Variants in EHBP1 observed in about 807,000 individuals in gnomAD.
EHBP1 encodes EH domain binding protein 1.
In EHBP1, 55 loss-of-function variants were observed where a neutral mutation model predicts 144.0. That is an observed-to-expected ratio of 0.38 (90% CI 0.31 to 0.48). EHBP1 has a LOEUF of 0.48. Ranked by LOEUF, EHBP1 falls within the 20% of genes least tolerant of loss-of-function variation. The probability of loss-of-function intolerance (pLI) is 0.98; values close to 1 mark genes in which losing one functional copy is unlikely to be tolerated. For missense variants in EHBP1, 1,200 were observed against 1,364.2 expected (o/e 0.88, Z 1.90); for synonymous variants, 469 against 472.7 (o/e 0.99, Z 0.10).
intron 1 of EHBP1, among the ~76,000 whole-genome samples, chr2:62,694,271 T>C (rs2034006044): frequency 6.6e-6 from 1 of 152,196 alleles, no homozygotes; most frequent in Admixed American, 6.5e-5. Context: ...TGCAATATGT[T>C]CTATTAATGC....
In EHBP1 at chr2:63,045,030, C is replaced by A; in HGVS notation, c.3278-36C>A. ...GGCGGGGGGCCGGGTGTTCGGAGGC[C>A]CTGCCGGTGGGTAACTAGCCTCCCG... On this transcript the variant is annotated intron_variant, in intron 21 of 22. Transcript: ENST00000431489. This position sits in a 1 kb window ranked among gnomAD's most constrained non-coding sequence, Gnocchi z 5.7. The A allele has an allele frequency of 1.3e-6, 2 of 1,491,676 alleles. No homozygotes were observed. The highest frequency in any genetic ancestry group is 1.8e-6 in the Non-Finnish European group (2 of 1,095,196). The allele number at this position is 1,491,676 out of a possible 1,614,324, so 92.4% of individuals were successfully genotyped here.
chr2:62,675,121 G>A (rs1247632885), intron 1 of EHBP1, among the ~76,000 whole-genome samples: 1 of 152,200 alleles, frequency 6.6e-6, no homozygotes, highest in Non-Finnish European at 1.5e-5. Context: ...TTCTGGTGCT[G>A]AAGAAATGAT....
chr2:62,718,183 G>T (rs2035871136), intron 2 of EHBP1, among the ~76,000 whole-genome samples: 1 of 152,116 alleles, frequency 6.6e-6, no homozygotes, highest in African/African-American at 2.4e-5. Context: ...AGAGAATATG[G>T]CTGAGAAACC....
rs75150370 is a variant in EHBP1 at position 62,984,718 on chromosome 2, T to C, written c.2608+5383T>C. Among the ~76,000 whole-genome samples the C allele has an allele frequency of 2.2e-3, 338 of 152,322 alleles. 8 individuals carry two copies. The East Asian group carries it at 0.053, about 24-fold the overall frequency. On this transcript the variant is annotated intron_variant, in intron 15 of 22. Coordinates refer to ENST00000431489, the MANE Select transcript of EHBP1 (RefSeq NM_001142616.3). ...CATTCTTAAGAAGACCTGAGCTGTA[T>C]AGATCACTTTTTACTCTTGCCATCC...
chr2:62,711,006 T>C (rs2035094032), intron 2 of EHBP1, among the ~76,000 whole-genome samples: 1 of 152,138 alleles, frequency 6.6e-6, no homozygotes, highest in African/African-American at 2.4e-5. Flanking sequence ...GAAAAAAGCA[T>C]TAATTAGAAA....
At chr2:63,044,865 A>G in intron 21 of EHBP1, 1 of 517,376 alleles carries the variant, frequency 1.9e-6, no homozygotes, top group East Asian at 3.2e-5. Flanking sequence ...ATCTCCATTC[A>G]CAGGACCTGT....
At chr2:63,029,411 A>G (rs1462218626) in intron 19 of EHBP1, among the ~76,000 whole-genome samples, 4 of 151,164 alleles carry the variant, frequency 2.6e-5, no homozygotes, top group Non-Finnish European at 5.9e-5. Context: ...CCCTTCATCT[A>G]GCTATCCCTG....
intron 10 of EHBP1, among the ~76,000 whole-genome samples, chr2:62,896,936 T>G (rs1354009433): frequency 6.6e-6 from 1 of 152,208 alleles, no homozygotes; most frequent in Non-Finnish European, 1.5e-5. Flanking sequence ...AGCTGATTAC[T>G]TTTTCCTTTA....
chr2:62,859,090 T>C, intron 7 of EHBP1, 79 bp from the exon 8 acceptor site: 2 of 1,355,590 alleles, frequency 1.5e-6, no homozygotes, highest in Non-Finnish European at 2.0e-6. Flanking sequence ...TGTGAACTTT[T>C]ACCATTTGAA....
chr2:62,847,740 A>G (rs1270145680), intron 7 of EHBP1, among the ~76,000 whole-genome samples: 2 of 152,196 alleles, frequency 1.3e-5, no homozygotes, highest in East Asian at 3.9e-4. Flanking sequence ...CACAAAGCAT[A>G]TATCTGTCAC....
intron 11 of EHBP1, 108 bp downstream of exon 11, chr2:62,943,004 A>G (rs2056850774): frequency 2.4e-6 from 2 of 825,510 alleles, no homozygotes. Flanking sequence ...TATTTGTTTT[A>G]TTACCCCACC....
chr2:63,028,278 C>T (rs1170067819), intron 19 of EHBP1, among the ~76,000 whole-genome samples: 1 of 152,052 alleles, frequency 6.6e-6, no homozygotes, highest in African/African-American at 2.4e-5. Flanking sequence ...GGATATATCA[C>T]AGTGTTACCT....
In EHBP1 at chr2:62,804,013, AGACTT is replaced by A. The variant is rs72107780; in HGVS notation, c.313-22073_313-22069del. ...GGAACAAATGAGATATTACAGTAAAAGACTTAGACTACTGCCTGACAACTAGTAAG... is the reference window on the plus strand; with the variant it reads ...GGAACAAATGAGATATTACAGTAAAAAGACTACTGCCTGACAACTAGTAAG... On this transcript the variant is annotated intron_variant, in intron 5 of 22. Coordinates refer to ENST00000431489, the MANE Select transcript of EHBP1 (RefSeq NM_001142616.3). Among the ~76,000 whole-genome samples the A allele has an allele frequency of 2.1e-3, 313 of 152,348 alleles. 3 individuals are homozygous for A. The highest frequency in any genetic ancestry group is 6.6e-3 in the African/African-American group (274 of 41,576).
intron 10 of EHBP1, among the ~76,000 whole-genome samples, chr2:62,882,748 G>C (rs2051565823): frequency 6.6e-6 from 1 of 152,134 alleles, no homozygotes; most frequent in African/African-American, 2.4e-5. Flanking sequence ...CAGGTGTGGT[G>C]GCGCATGCCT....
At chr2:62,882,893 A>C (rs1389727225) in intron 10 of EHBP1, among the ~76,000 whole-genome samples, 1 of 151,862 alleles carries the variant, frequency 6.6e-6, no homozygotes. Flanking sequence ...AAAAAAAAAA[A>C]AAAGAAAGGA....
intron 14 of EHBP1, among the ~76,000 whole-genome samples, chr2:62,961,975 T>A (rs987131219): frequency 6.7e-6 from 1 of 148,752 alleles, no homozygotes; most frequent in African/African-American, 2.5e-5. Flanking sequence ...TTGCAATGAG[T>A]GGAGATTGCG....
chr2:63,007,732 G>A (rs972498716), intron 19 of EHBP1, among the ~76,000 whole-genome samples: 2 of 151,682 alleles, frequency 1.3e-5, no homozygotes, highest in African/African-American at 4.8e-5. Context: ...CCACACATAA[G>A]TTAAAAGCGT....
chr2:62,988,635 A>T (rs2059292524), intron 15 of EHBP1, among the ~76,000 whole-genome samples: 1 of 152,164 alleles, frequency 6.6e-6, no homozygotes, highest in African/African-American at 2.4e-5. Context: ...TAAAATACAA[A>T]GATATTTGCT....
At chr2:62,832,185 A>C (rs1015766214) in intron 7 of EHBP1, among the ~76,000 whole-genome samples, 1 of 152,142 alleles carries the variant, frequency 6.6e-6, no homozygotes, top group Non-Finnish European at 1.5e-5. Context: ...TGCTTTGTTT[A>C]TTTATTTCTA....
Sources: allele counts gnomAD v4.1 joint callset (sites outside exome capture counted in the v4.1 genomes callset), GRCh38; gene constraint gnomAD v4.1.1; non-coding constraint Gnocchi (gnomAD v3.1); transcripts MANE v1.5; gene names NCBI Gene and HGNC (gene_info 2026-07-23, HGNC 2026-07-21).